Variants in CHST13 observed in about 807,000 individuals in gnomAD.
CHST13 encodes carbohydrate sulfotransferase 13, also known as C4ST-3.
Under a neutral mutation model 7.0 loss-of-function variants are expected in CHST13, and 1 was observed. The observed-to-expected ratio is 0.14, with a 90% CI of 0.05 to 0.68. CHST13 has a LOEUF of 0.68. Ranked by LOEUF, CHST13 falls within the 30% of genes least tolerant of loss-of-function variation. CHST13 has a pLI of 0.82. For synonymous variants in CHST13, 257 were observed against 240.9 expected (o/e 1.07, Z -0.62); for missense variants, 572 against 507.9 (o/e 1.13, Z -1.21).
intron 2 of CHST13, among the ~76,000 whole-genome samples, chr3:126,541,044 C>T (rs974591702): frequency 2.0e-5 from 3 of 152,158 alleles, no homozygotes; most frequent in East Asian, 1.9e-4. Context: ...AGCATGGAAG[C>T]GCTGGCCTGG....
At chr3:126,531,040 C>T (rs372641372) in intron 1 of CHST13, among the ~76,000 whole-genome samples, 3 of 152,396 alleles carry the variant, frequency 2.0e-5, no homozygotes, top group East Asian at 1.9e-4. Context: ...GTGCAAGGCC[C>T]GTCCAGCTGC....
intron 2 of CHST13, among the ~76,000 whole-genome samples, chr3:126,540,148 G>T (rs890894411): frequency 6.6e-6 from 1 of 151,920 alleles, no homozygotes. Context: ...TCCCAAGCAG[G>T]CCCTGGCTCT....
intron 2 of CHST13, among the ~76,000 whole-genome samples, chr3:126,540,257 C>T (rs1936930290): frequency 6.6e-6 from 1 of 152,156 alleles, no homozygotes; most frequent in Non-Finnish European, 1.5e-5. Context: ...CTCTTTCAAA[C>T]CCTACAATTG....
intron 1 of CHST13, among the ~76,000 whole-genome samples, chr3:126,528,123 G>A (rs1017835732): frequency 6.6e-6 from 1 of 151,570 alleles, no homozygotes; most frequent in Admixed American, 6.6e-5. Context: ...CCTGGGGTGT[G>A]AATGGATGTG....
Position 126,542,104 on chromosome 3 carries a change from C to A in CHST13, c.552C>A (p.Tyr184Ter). Residue 184 changes from tyrosine (Y) to a stop codon, truncating the protein, a stop_gained, in exon 3 of 3, where the codon TAC becomes TAA. Coordinates refer to ENST00000319340, the MANE Select transcript of CHST13 (RefSeq NM_152889.3). LOFTEE classifies it low-confidence loss of function (END_TRUNC). ...CCTTCGAGCGCCTGGCATCGGCTTA[C>A]CGCAACAAGCTCGCGCGCCCCTACA... Reference protein sequence around the residue: ...REPFERLASAYRNKLARPYSA... With the variant: ...REPFERLASA 3 of 1,581,830 alleles carry A rather than the reference C, an allele frequency of 1.9e-6. No homozygotes were observed. The highest frequency in any genetic ancestry group is 1.7e-6 in the Non-Finnish European group (2 of 1,168,268).
In CHST13 at chr3:126,542,353, C is replaced by G. The variant is rs374548681; in HGVS notation, c.801C>G (p.Phe267Leu). Residue 267 changes from phenylalanine to leucine, a missense_variant, in exon 3 of 3, where the codon TTC becomes TTG. By Grantham distance (22) the Phe-to-Leu change is conservative. Transcript: ENST00000319340. ...CRLRYDVVGK[F>L]ETLAEDAAFV... The stretch of plus-strand genomic sequence containing the variant: ...TCCGCTACGACGTCGTGGGCAAGTT[C>G]GAGACGCTGGCGGAGGACGCGGCCT... 6.4e-7 allele frequency: 1 copy of G among 1,566,756 alleles called. No individual in the cohort carries two copies. The highest frequency in any genetic ancestry group is 8.6e-7 in the Non-Finnish European group (1 of 1,158,172).
chr3:126,536,926 C>CT (rs1936808481), intron 2 of CHST13, among the ~76,000 whole-genome samples: 1 of 149,048 alleles, frequency 6.7e-6, no homozygotes. Context: ...CACACACACC[C>CT]CACACACACA....
rs1163908532 is a variant in CHST13 at position 126,542,122 on chromosome 3, C to T, written c.570C>T (p.Arg190=). ...CGGCTTACCGCAACAAGCTCGCGCG[C>T]CCCTACAGCGCCGCCTTCCAGAGGC... The part of the protein sequence containing the change: ...LASAYRNKLA[R]PYSAAFQRRY... The change falls in exon 3 of 3, where the codon CGC becomes CGT. Residue 190 remains arginine (R), a synonymous_variant. Transcript: ENST00000319340. 19 of 1,573,574 alleles carry T rather than the reference C, an allele frequency of 1.2e-5. No individual in the cohort carries two copies. Among genetic ancestry groups the T allele is most frequent in the Middle Eastern group, 1.7e-4 (1 of 5,964 alleles).
intron 1 of CHST13, chr3:126,529,493 C>T (rs996345722): frequency 2.3e-6 from 2 of 887,718 alleles, no homozygotes; most frequent in Non-Finnish European, 3.1e-6. Context: ...CTGTTTCTGG[C>T]ACAGCAAGGA....
intron 1 of CHST13, among the ~76,000 whole-genome samples, chr3:126,534,675 G>C (rs1006516552): frequency 8.1e-5 from 12 of 148,680 alleles, no homozygotes; most frequent in African/African-American, 3.0e-4. Context: ...GCTGTCCTCA[G>C]CCGGGAGACA....
chr3:126,536,522 G>C (rs973578443), intron 2 of CHST13, among the ~76,000 whole-genome samples, 169 bp downstream of exon 2: 8 of 152,060 alleles, frequency 5.3e-5, no homozygotes, highest in Non-Finnish European at 1.2e-4. Flanking sequence ...GCAAATCTTG[G>C]GGGTAAGATG....
At chr3:126,525,301 GAC>G (rs551284929) in intron 1 of CHST13, among the ~76,000 whole-genome samples, 65 of 152,308 alleles carry the variant, frequency 4.3e-4, no homozygotes, top group African/African-American at 1.6e-3. Flanking sequence ...GAACCTGGCA[GAC>G]ACAGTCCCAG....
chr3:126,533,388 A>G (rs1200588719), intron 1 of CHST13, among the ~76,000 whole-genome samples: 1 of 152,146 alleles, frequency 6.6e-6, no homozygotes, highest in Non-Finnish European at 1.5e-5. Context: ...CAGTTTGGCA[A>G]AGTTTCCTTC....
At chr3:126,525,963 A>G (rs560486147) in intron 1 of CHST13, among the ~76,000 whole-genome samples, 69 of 151,832 alleles carry the variant, frequency 4.5e-4, no homozygotes, top group African/African-American at 1.7e-3. Flanking sequence ...TGTTAGGAGG[A>G]CGGCTCCGAA....
intron 1 of CHST13, 86 bp downstream of exon 1, chr3:126,524,515 G>A: frequency 2.4e-6 from 1 of 425,218 alleles, no homozygotes; most frequent in Non-Finnish European, 3.9e-6. Flanking sequence ...TCGACAGCGC[G>A]GGGGACACCT....
At chr3:126,541,539 C>G (rs938374068) in intron 2 of CHST13, among the ~76,000 whole-genome samples, 194 bp from the exon 3 acceptor site, 1 of 152,186 alleles carries the variant, frequency 6.6e-6, no homozygotes, top group Non-Finnish European at 1.5e-5. Context: ...TCCGTTTCTC[C>G]CAAATCTCGG....
At chr3:126,535,527 C>T (rs1181708379) in intron 1 of CHST13, among the ~76,000 whole-genome samples, 1 of 120,626 alleles carries the variant, frequency 8.3e-6, no homozygotes, top group Non-Finnish European at 1.7e-5. Context: ...AGCCGGGAGA[C>T]ACACAGACAG....
At position 126,524,287 on chromosome 3, in the gene CHST13, C is replaced by T; in HGVS notation, c.-46C>T. ...GTCCTGGGCCAGTGCAACTCCGCCC[C>T]CAGCCGTATCCAGCGGACTGTCCTC... On this transcript the variant is annotated 5_prime_UTR_variant, in exon 1 of 3. Coordinates refer to ENST00000319340, the MANE Select transcript of CHST13 (RefSeq NM_152889.3). 8.2e-7 allele frequency: 1 copy of T among 1,217,248 alleles called. No homozygotes were observed. The highest frequency in any genetic ancestry group is 1.0e-6 in the Non-Finnish European group (1 of 977,294). The allele number at this position is 1,217,248 out of a possible 1,614,324, so 75.4% of individuals were successfully genotyped here. A position where few individuals can be genotyped will look rare whatever the true frequency, so the allele number is the denominator to read the frequency against.
chr3:126,533,489 C>CT (rs1936700431), intron 1 of CHST13, among the ~76,000 whole-genome samples: 1 of 152,070 alleles, frequency 6.6e-6, no homozygotes, highest in Non-Finnish European at 1.5e-5. Flanking sequence ...AGCATGTGGG[C>CT]TTTTTTCTTG....
Sources: allele counts gnomAD v4.1 joint callset (sites outside exome capture counted in the v4.1 genomes callset), GRCh38; gene constraint gnomAD v4.1.1; transcripts MANE v1.5; gene names NCBI Gene and HGNC (gene_info 2026-07-23, HGNC 2026-07-21).